Variants in CPNE8 observed in about 807,000 individuals in gnomAD.
The protein encoded by CPNE8 is copine-8.
CPNE8 carries 45 observed loss-of-function variants against 81.5 expected under a neutral mutation model. That is an observed-to-expected ratio of 0.55 (90% CI 0.44 to 0.71). The LOEUF is 0.71. Among genes scored for constraint, CPNE8 ranks in the 30% least tolerant of loss-of-function variants. CPNE8 has a pLI of 0.00. For synonymous variants in CPNE8, 252 were observed against 226.3 expected (o/e 1.11, Z -1.02); for missense variants, 594 against 672.1 (o/e 0.88, Z 1.28).
intron 5 of CPNE8, among the ~76,000 whole-genome samples, chr12:38,836,107 T>C (rs1227329228): frequency 1.3e-5 from 2 of 152,170 alleles, no homozygotes; most frequent in African/African-American, 2.4e-5. Flanking sequence ...GTTCTGCTAA[T>C]AGTATTTAGT....
intron 10 of CPNE8, among the ~76,000 whole-genome samples, chr12:38,747,831 T>C (rs542982045): frequency 3.3e-5 from 5 of 152,240 alleles, no homozygotes; most frequent in Admixed American, 2.0e-4. Context: ...TTAAAATTAA[T>C]TTTAACTGAT....
chr12:38,702,838 C>A (rs1332152698), intron 14 of CPNE8, 37 bp downstream of exon 14: 4 of 1,243,742 alleles, frequency 3.2e-6, no homozygotes, highest in African/African-American at 1.5e-5. Context: ...CATGTAATTG[C>A]TGATGATTTT....
At chr12:38,890,274 C>T (rs1944295939) in intron 1 of CPNE8, among the ~76,000 whole-genome samples, 1 of 152,070 alleles carries the variant, frequency 6.6e-6, no homozygotes, top group Admixed American at 6.6e-5. Context: ...TAAATATAAT[C>T]AACTGAGCAC....
At position 38,697,974 on chromosome 12, in the gene CPNE8, C is replaced by T. The variant is rs113000519; in HGVS notation, c.962-4136G>A. ...ATAAACCTACTTTCTTTATAAATTA[C>T]CCAGTCTCAGGTATTCCTTTACAGC... On this transcript the variant is annotated intron_variant, in intron 14 of 19. Coordinates refer to ENST00000331366, the MANE Select transcript of CPNE8 (RefSeq NM_153634.3). Among the ~76,000 whole-genome samples, 260 of 152,274 alleles carry T rather than the reference C, an allele frequency of 1.7e-3. 1 individual carries two copies. The highest frequency in any genetic ancestry group is 6.0e-3 in the African/African-American group (248 of 41,544).
At chr12:38,741,105 C>T (rs1941089626) in intron 10 of CPNE8, among the ~76,000 whole-genome samples, 2 of 152,218 alleles carry the variant, frequency 1.3e-5, no homozygotes, top group Admixed American at 6.5e-5. Flanking sequence ...GGCCATACTG[C>T]CCAAGGTAAT....
chr12:38,735,686 C>T (rs1307093375), intron 10 of CPNE8, among the ~76,000 whole-genome samples: 1 of 151,944 alleles, frequency 6.6e-6, no homozygotes, highest in Non-Finnish European at 1.5e-5. Context: ...TTCTTCAAAT[C>T]CTGATAATCT....
chr12:38,659,111 G>A (rs1005427266), intron 19 of CPNE8, among the ~76,000 whole-genome samples: 2 of 151,484 alleles, frequency 1.3e-5, no homozygotes, highest in African/African-American at 4.8e-5. Flanking sequence ...TGGCAAACTG[G>A]ATAGTCAAGA....
intron 7 of CPNE8, among the ~76,000 whole-genome samples, chr12:38,770,723 A>T (rs896257214): frequency 1.3e-5 from 2 of 152,054 alleles, no homozygotes; most frequent in African/African-American, 4.8e-5. Flanking sequence ...TCGGACCCAC[A>T]CATGCCTTTC....
rs143718932 is a variant in CPNE8, at chr12:38,748,957, T to C, written c.722+11890A>G. 4.7e-3 allele frequency among the ~76,000 whole-genome samples: 714 copies of C among 152,330 alleles called. 5 individuals are homozygous for C. The highest frequency in any genetic ancestry group is 0.016 in the African/African-American group (663 of 41,584). On this transcript the variant is annotated intron_variant, in intron 10 of 19. Transcript: ENST00000331366. The stretch of plus-strand genomic sequence containing the variant: ...ATTAGTTTAAATGTTATTTGTTATA[T>C]ATTAAGTTATATGTTTTAAATTCTT...
At chr12:38,754,201 C>A (rs1158902417) in intron 10 of CPNE8, among the ~76,000 whole-genome samples, 1 of 152,110 alleles carries the variant, frequency 6.6e-6, no homozygotes, top group African/African-American at 2.4e-5. Flanking sequence ...TGAAGCCAAG[C>A]AAATATGTGG....
intron 10 of CPNE8, among the ~76,000 whole-genome samples, chr12:38,759,332 A>G (rs1293028816): frequency 6.6e-6 from 1 of 152,222 alleles, no homozygotes; most frequent in Non-Finnish European, 1.5e-5. Context: ...TACAGGGCAT[A>G]AAGTCCTTTA....
At chr12:38,834,330 T>C (rs867210328) in intron 5 of CPNE8, among the ~76,000 whole-genome samples, 1 of 152,190 alleles carries the variant, frequency 6.6e-6, no homozygotes, top group Admixed American at 6.5e-5. Context: ...AAATTTAACA[T>C]GAACTTGGCC....
At chr12:38,662,843 A>G (rs919229657) in intron 19 of CPNE8, among the ~76,000 whole-genome samples, 3 of 152,206 alleles carry the variant, frequency 2.0e-5, no homozygotes, top group Non-Finnish European at 4.4e-5. Context: ...TCACATATTT[A>G]CAGCCAACTG....
rs201121630 is a variant in CPNE8, at chr12:38,693,669, G to A, written c.1131C>T (p.His377=). 8.8e-5 allele frequency: 141 copies of A among 1,607,770 alleles called. No individual in the cohort carries two copies. Among genetic ancestry groups the A allele is most frequent in the East Asian group, 9.0e-5 (4 of 44,600 alleles). The change falls in exon 15 of 20, where the codon CAC becomes CAT. Residue 377 remains histidine, a synonymous_variant. Coordinates refer to ENST00000331366, the MANE Select transcript of CPNE8 (RefSeq NM_153634.3). ...GACAAATTCTTACCAAAGCAAATTC[G>A]TGAGATATCCTTCCATCTGGAGGCA... The part of the protein sequence containing the change: ...AKLPPDGRIS[H]EFALNGNPQN...
intron 6 of CPNE8, among the ~76,000 whole-genome samples, chr12:38,783,856 G>C (rs1942107712): frequency 6.6e-6 from 1 of 152,140 alleles, no homozygotes; most frequent in African/African-American, 2.4e-5. Context: ...CACAACACTC[G>C]AGTTTTCTGA....
At chr12:38,737,823 T>TTCTC (rs34037924) in intron 10 of CPNE8, among the ~76,000 whole-genome samples, 9 of 151,182 alleles carry the variant, frequency 6.0e-5, no homozygotes, top group African/African-American at 2.2e-4. Context: ...CACATACTCA[T>TTCTC]TCTCTCTCTC....
chr12:38,902,244 AG>A (rs1355249390), intron 1 of CPNE8, among the ~76,000 whole-genome samples: 6 of 106,720 alleles, frequency 5.6e-5, no homozygotes, highest in African/African-American at 2.3e-4. Flanking sequence ...AAAGAAAGAA[AG>A]AAAGAAAGAA....
At chr12:38,856,569 G>A (rs1399978766) in intron 3 of CPNE8, among the ~76,000 whole-genome samples, 1 of 152,042 alleles carries the variant, frequency 6.6e-6, no homozygotes, top group African/African-American at 2.4e-5. Context: ...TTGCCTAGAG[G>A]GCAGAATCTT....
chr12:38,753,575 A>G (rs2136829069), intron 10 of CPNE8, among the ~76,000 whole-genome samples: 1 of 152,342 alleles, frequency 6.6e-6, no homozygotes, highest in African/African-American at 2.4e-5. Context: ...TATAATCTAC[A>G]CTGTGAGGAA....
Sources: gnomAD v4.1 joint callset for allele counts (sites outside exome capture counted in the v4.1 genomes callset) on GRCh38, gnomAD v4.1.1 for gene constraint, MANE v1.5 for transcripts, NCBI Gene and HGNC (gene_info 2026-07-23, HGNC 2026-07-21) for gene names.